The following CBFA2T3 variants were observed in gnomAD, a reference collection of about 807,000 sequenced individuals.
CBFA2T3 encodes the protein CBFA2/RUNX1 partner transcriptional co-repressor 3, also known as transcriptional corepressor CBFA2T3.
CBFA2T3 carries 31 observed loss-of-function variants against 58.6 expected under a neutral mutation model. That is an observed-to-expected ratio of 0.53 (90% CI 0.40 to 0.71). CBFA2T3 has a LOEUF of 0.71. Among genes scored for constraint, CBFA2T3 ranks in the 30% least tolerant of loss-of-function variants. The probability of loss-of-function intolerance (pLI) is 0.00; values close to 1 mark genes in which losing one functional copy is unlikely to be tolerated. For missense variants in CBFA2T3, 1,076 were observed against 963.1 expected (o/e 1.12, Z -1.55); for synonymous variants, 531 against 421.9 (o/e 1.26, Z -3.17).
At chr16:88,912,974 G>A (rs1970577433) in intron 1 of CBFA2T3, among the ~76,000 whole-genome samples, 1 of 152,202 alleles carries the variant, frequency 6.6e-6, no homozygotes, top group African/African-American at 2.4e-5. Flanking sequence ...GCTATTCAGG[G>A]CCCTCTCCCC....
chr16:88,929,537 T>C (rs1971205313), intron 1 of CBFA2T3, among the ~76,000 whole-genome samples: 1 of 152,250 alleles, frequency 6.6e-6, no homozygotes, highest in African/African-American at 2.4e-5. Context: ...AAGCTACCGA[T>C]ACCCACAGCT....
At position 88,885,191 on chromosome 16, in the gene CBFA2T3, G is replaced by C. The variant is rs1008773759; in HGVS notation, c.972C>G (p.Ala324=). ...GCCCGTTGCTGGGGCTGTAGCGCTGGGCAGGGTTCAGGGTGCATGGCCGTT... is the reference window on the plus strand; with the variant it reads ...GCCCGTTGCTGGGGCTGTAGCGCTGCGCAGGGTTCAGGGTGCATGGCCGTT... ...LSKRPCTLNP[A]QRYSPSNGPP... Residue 324 remains alanine, a synonymous_variant, in exon 7 of 12, where the codon GCC becomes GCG. Coordinates refer to ENST00000268679, the MANE Select transcript of CBFA2T3 (RefSeq NM_005187.6). This position sits in a 1 kb window ranked among gnomAD's most constrained non-coding sequence, Gnocchi z 5.3. 2.5e-6 allele frequency: 4 copies of C among 1,604,136 alleles called. No individual in the cohort carries two copies. In the African/African-American group the frequency reaches 4.0e-5, roughly 16 times the overall value.
intron 10 of CBFA2T3, among the ~76,000 whole-genome samples, chr16:88,880,225 CAACCCT>C (rs967946298): frequency 6.8e-5 from 10 of 146,282 alleles, no homozygotes; most frequent in South Asian, 2.1e-4. Context: ...TACCGCTGCC[CAACCCT>C]AACCCTAACC....
chr16:88,952,910 C>T (rs1210430703), intron 1 of CBFA2T3, among the ~76,000 whole-genome samples: 2 of 43,430 alleles, frequency 4.6e-5, no homozygotes, highest in Admixed American at 2.6e-4. Context: ...CCACGCAGGG[C>T]CTGTGTCGAG....
intron 1 of CBFA2T3, among the ~76,000 whole-genome samples, chr16:88,931,551 A>C (rs1339946899): frequency 1.3e-5 from 2 of 151,518 alleles, no homozygotes. Flanking sequence ...TGGACGAGCC[A>C]GAGGTGGAGA....
Position 88,882,769 on chromosome 16 carries a change from TG to T in CBFA2T3, c.1118-9del, listed in dbSNP as rs1969180822. On this transcript the variant is annotated splice_polypyrimidine_tract_variant and intron_variant, in intron 7 of 11. Coordinates refer to ENST00000268679, the MANE Select transcript of CBFA2T3 (RefSeq NM_005187.6). ...GCCGGGACCCAGGCACCACTGTGGATGGGGGAGGTGCACGCTTAGGTCCCAC... is the reference window on the plus strand; with the variant it reads ...GCCGGGACCCAGGCACCACTGTGGATGGGGAGGTGCACGCTTAGGTCCCAC... 2 of 1,556,424 alleles carry T rather than the reference TG, an allele frequency of 1.3e-6. No homozygotes were observed. Among genetic ancestry groups the T allele is most frequent in the Non-Finnish European group, 1.7e-6 (2 of 1,146,278 alleles).
chr16:88,915,663 C>T (rs1347787010), intron 1 of CBFA2T3, among the ~76,000 whole-genome samples: 2 of 39,634 alleles, frequency 5.0e-5, no homozygotes, highest in African/African-American at 2.2e-4. Flanking sequence ...GGAGCGTGGA[C>T]GGGGGAGTGT....
At chr16:88,913,663 C>A (rs1406123417) in intron 1 of CBFA2T3, among the ~76,000 whole-genome samples, 1 of 152,192 alleles carries the variant, frequency 6.6e-6, no homozygotes, top group East Asian at 1.9e-4. Context: ...CAGCCGGGAC[C>A]AGCAATTCCA....
rs1324675207 is a variant in CBFA2T3 at position 88,875,850 on chromosome 16, CAG to C, written c.*1124_*1125del. On this transcript the variant is annotated 3_prime_UTR_variant, in exon 12 of 12. Coordinates refer to ENST00000268679, the MANE Select transcript of CBFA2T3 (RefSeq NM_005187.6). ...TGGAAAACGGAAATATGAAAAGTCA[CAG>C]GGGGCGTGAGGACAGACGGCGTGTC... 1 of 233,258 alleles carries C rather than the reference CAG, an allele frequency of 4.3e-6. No homozygotes were observed. Among genetic ancestry groups the C allele is most frequent in the Non-Finnish European group, 8.5e-6 (1 of 117,962 alleles). The allele number at this position is 233,258 out of a possible 1,614,324, so 14.4% of individuals were successfully genotyped here. A position where few individuals can be genotyped will look rare whatever the true frequency, so the allele number is the denominator to read the frequency against.
chr16:88,976,613 C>G lies in CBFA2T3; in HGVS notation c.151+44G>C, dbSNP rs771257522. 5 of 1,447,616 alleles carry G rather than the reference C, an allele frequency of 3.5e-6. No individual in the cohort carries two copies. The Admixed American group carries it at 1.0e-4, about 29-fold the overall frequency. 89.7% of individuals were successfully genotyped at this position (1,447,616 alleles called of 1,614,324 possible). ...GAGTCACAGCCCCGGCACCGGCTGC[C>G]GCTCTCTGCCCCCACCCCACCACCT... On this transcript the variant is annotated intron_variant, in intron 1 of 11. Coordinates refer to ENST00000268679, the MANE Select transcript of CBFA2T3 (RefSeq NM_005187.6).
Position 88,892,080 on chromosome 16 carries a change from C to A in CBFA2T3, c.622-109G>T. 4.4e-6 allele frequency: 6 copies of A among 1,369,824 alleles called. No individual in the cohort carries two copies. In the South Asian group the frequency reaches 7.5e-5, roughly 17 times the overall value. 84.9% of individuals were successfully genotyped at this position (1,369,824 alleles called of 1,614,324 possible). On this transcript the variant is annotated intron_variant, in intron 4 of 11. Transcript: ENST00000268679. ...TCCGTGTTGGAGGCAGGCAGGCAGC[C>A]CAGGAGCTGGGCACGGCCTGAGAGG...
chr16:88,929,955 G>A (rs920245984), intron 1 of CBFA2T3, among the ~76,000 whole-genome samples: 4 of 145,998 alleles, frequency 2.7e-5, no homozygotes, highest in East Asian at 2.0e-4. Flanking sequence ...CATGGTCCAC[G>A]TAAAAGCTAC....
At chr16:88,912,900 G>C (rs1036301019) in intron 1 of CBFA2T3, among the ~76,000 whole-genome samples, 1 of 152,228 alleles carries the variant, frequency 6.6e-6, no homozygotes, top group African/African-American at 2.4e-5. Context: ...CCGGGGGTGC[G>C]TCTGAGGAAT....
intron 1 of CBFA2T3, among the ~76,000 whole-genome samples, chr16:88,917,191 T>C (rs1970766546): frequency 6.6e-6 from 1 of 152,196 alleles, no homozygotes; most frequent in African/African-American, 2.4e-5. Context: ...TAGCTGGCCC[T>C]GCCCTCTGCA....
rs1968849405 is a variant in CBFA2T3, at chr16:88,876,833, G to A, written c.*143C>T. 2 of 596,164 alleles carry A rather than the reference G, an allele frequency of 3.4e-6. No individual in the cohort carries two copies. The highest frequency in any genetic ancestry group is 5.4e-6 in the Non-Finnish European group (2 of 367,156). The allele number at this position is 596,164 out of a possible 1,614,324, so 36.9% of individuals were successfully genotyped here. On this transcript the variant is annotated 3_prime_UTR_variant, in exon 12 of 12. Transcript: ENST00000268679. ...TTCGGAGAGGGGCAGTAGCAGCAGT[G>A]ACTAATTGGTCGGCTCCCCCAGGTC... is the stretch of plus-strand genomic sequence containing the variant.
Position 88,976,162 on chromosome 16 carries a change from C to G in CBFA2T3, c.151+495G>C, listed in dbSNP as rs572796704. ...AAACCCCCACTGCCCTGGCTGGAAT[C>G]GTTCCTCGGACAGGGGCCCAGGGTT... On this transcript the variant is annotated intron_variant, in intron 1 of 11. Coordinates refer to ENST00000268679, the MANE Select transcript of CBFA2T3 (RefSeq NM_005187.6). Among the ~76,000 whole-genome samples the G allele has an allele frequency of 7.2e-5, 11 of 152,324 alleles. No homozygotes were observed. The East Asian group carries it at 2.1e-3, about 29-fold the overall frequency.
At chr16:88,938,621 G>A (rs1971592656) in intron 1 of CBFA2T3, 1 of 152,368 alleles carries the variant, frequency 6.6e-6, no homozygotes, top group South Asian at 2.1e-4. Flanking sequence ...TGCGGGCCGG[G>A]AGAGCAGCCC....
At chr16:88,914,556 G>A (rs945195038) in intron 1 of CBFA2T3, among the ~76,000 whole-genome samples, 8 of 152,230 alleles carry the variant, frequency 5.3e-5, no homozygotes. Flanking sequence ...CGGGCAGGAC[G>A]CTGTCGCAGC....
chr16:88,890,654 G>A (rs1969594896), intron 5 of CBFA2T3, among the ~76,000 whole-genome samples: 3 of 152,236 alleles, frequency 2.0e-5, no homozygotes, highest in African/African-American at 4.8e-5. Context: ...TCCCGTGCCC[G>A]TCCCGTCTGT....
Sources: allele counts gnomAD v4.1 joint callset (sites outside exome capture counted in the v4.1 genomes callset), GRCh38; gene constraint gnomAD v4.1.1; non-coding constraint Gnocchi (gnomAD v3.1); transcripts MANE v1.5; gene names NCBI Gene and HGNC (gene_info 2026-07-23, HGNC 2026-07-21).